The following CHKA variants were observed in gnomAD, a reference collection of about 807,000 sequenced individuals.
The protein encoded by CHKA is choline kinase alpha.
Under a neutral mutation model 60.1 loss-of-function variants are expected in CHKA, and 34 were observed. The observed-to-expected ratio is 0.57, with a 90% CI of 0.43 to 0.75. The LOEUF (loss-of-function observed/expected upper bound fraction) is 0.75. Ranked by LOEUF, CHKA falls within the 30% of genes least tolerant of loss-of-function variation. The pLI, the probability that CHKA is intolerant of heterozygous loss-of-function variation, is 0.00. For missense variants in CHKA, 563 were observed against 561.3 expected (o/e 1.00, Z -0.03); for synonymous variants, 217 against 223.1 (o/e 0.97, Z 0.24).
chr11:68,083,974 G>C lies in CHKA; in HGVS notation c.463-2517C>G, dbSNP rs569356148. 4.1e-4 allele frequency among the ~76,000 whole-genome samples: 63 copies of C among 152,152 alleles called. 1 individual carries two copies. In the South Asian group the frequency reaches 9.1e-3, roughly 22 times the overall value. On this transcript the variant is annotated intron_variant, in intron 2 of 11. Transcript: ENST00000265689. ...TAAATATATTTTGGGGCCGGCGGGG[G>C]TGGCCCATGCCTGTAATCCCAGCAC...
At chr11:68,103,718 C>T (rs1411410685) in intron 1 of CHKA, among the ~76,000 whole-genome samples, 1 of 151,832 alleles carries the variant, frequency 6.6e-6, no homozygotes. Flanking sequence ...TCGAGATCAG[C>T]CTGGCCAACA....
chr11:68,063,876 C>T (rs1856341197), intron 10 of CHKA, among the ~76,000 whole-genome samples: 1 of 152,204 alleles, frequency 6.6e-6, no homozygotes, highest in African/African-American at 2.4e-5. Flanking sequence ...TTGCCTTCTG[C>T]TATGATTGTT....
chr11:68,056,270 A>G (rs1439649177), intron 11 of CHKA, among the ~76,000 whole-genome samples: 2 of 152,170 alleles, frequency 1.3e-5, no homozygotes, highest in Non-Finnish European at 2.9e-5. Context: ...TCCCTGGCTC[A>G]TAACTCCCAT....
intron 4 of CHKA, among the ~76,000 whole-genome samples, chr11:68,071,205 A>C (rs1455929606): frequency 4.6e-5 from 7 of 152,222 alleles, no homozygotes; most frequent in Non-Finnish European, 7.3e-5. Context: ...GCTGAAGTCC[A>C]TGTCTTCAGC....
At chr11:68,106,617 C>A (rs1482210352) in intron 1 of CHKA, among the ~76,000 whole-genome samples, 2 of 151,632 alleles carry the variant, frequency 1.3e-5, no homozygotes, top group African/African-American at 4.8e-5. Context: ...GCTGTGCAGA[C>A]CTTGGGCAGG....
chr11:68,053,449 T>TA lies in CHKA; in HGVS notation c.*538dup, dbSNP rs1401019041. 6.5e-6 allele frequency: 1 copy of TA among 152,934 alleles called. No individual in the cohort carries two copies. Among genetic ancestry groups the TA allele is most frequent in the African/African-American group, 2.4e-5 (1 of 41,328 alleles). The allele number at this position is 152,934 out of a possible 1,614,324, so 9.5% of individuals were successfully genotyped here. ...AGCTTCAGCCATGGGACCAAGAGGG[T>TA]AAAGGAGCAGCTTCTGGAGGCCCCA... On this transcript the variant is annotated 3_prime_UTR_variant, in exon 12 of 12. Coordinates refer to ENST00000265689, the MANE Select transcript of CHKA (RefSeq NM_001277.3).
chr11:68,074,547 G>C (rs186658183), intron 4 of CHKA, among the ~76,000 whole-genome samples, 170 bp downstream of exon 4: 2 of 152,148 alleles, frequency 1.3e-5, no homozygotes, highest in Non-Finnish European at 2.9e-5. Flanking sequence ...AAAGAGGTTC[G>C]GATGTAAGTA....
chr11:68,056,430 A>G (rs140011487), intron 11 of CHKA, among the ~76,000 whole-genome samples: 80 of 152,346 alleles, frequency 5.3e-4, no homozygotes, highest in Non-Finnish European at 1.1e-3. Flanking sequence ...AATGCTGTAC[A>G]GAGAAGCCCG....
chr11:68,117,403 GC>G (rs1483517307), intron 1 of CHKA, among the ~76,000 whole-genome samples: 1 of 152,164 alleles, frequency 6.6e-6, no homozygotes, highest in Admixed American at 6.5e-5. Flanking sequence ...AAAAAGTTAG[GC>G]CGGGCAGGGT....
chr11:68,098,586 G>A (rs1262706535), intron 1 of CHKA, among the ~76,000 whole-genome samples: 1 of 152,098 alleles, frequency 6.6e-6, no homozygotes, highest in African/African-American at 2.4e-5. Context: ...TGGTGGTGAT[G>A]GCAGCACAAC....
chr11:68,080,742 T>C (rs1247891547), intron 3 of CHKA, among the ~76,000 whole-genome samples: 3 of 152,276 alleles, frequency 2.0e-5, no homozygotes, highest in Non-Finnish European at 4.4e-5. Flanking sequence ...TGGGCATGTG[T>C]GCACATGCAC....
intron 1 of CHKA, among the ~76,000 whole-genome samples, chr11:68,113,868 G>A (rs1401832301): frequency 2.6e-5 from 4 of 151,818 alleles, no homozygotes; most frequent in Non-Finnish European, 5.9e-5. Flanking sequence ...GCAGGTGCCT[G>A]TAATCTCAAG....
chr11:68,076,903 A>C (rs1490246202), intron 3 of CHKA, among the ~76,000 whole-genome samples: 3 of 152,200 alleles, frequency 2.0e-5, no homozygotes, highest in African/African-American at 7.2e-5. Context: ...TCACAGTAGG[A>C]AGAAAGGGGG....
intron 4 of CHKA, 38 bp downstream of exon 4, chr11:68,074,679 T>A (rs1856727057): frequency 6.4e-7 from 1 of 1,570,410 alleles, no homozygotes; most frequent in African/African-American, 1.4e-5. Context: ...CTTCTGTCTG[T>A]GGCATATGTC....
chr11:68,114,696 C>CG (rs1393097827), intron 1 of CHKA, among the ~76,000 whole-genome samples: 3 of 138,946 alleles, frequency 2.2e-5, no homozygotes, highest in African/African-American at 5.3e-5. Context: ...GACTCTGTCT[C>CG]GGGAAAAAAA....
Position 68,120,769 on chromosome 11 carries a change from C to A in CHKA, c.350+59G>T, listed in dbSNP as rs1858605779. 5 of 885,538 alleles carry A rather than the reference C, an allele frequency of 5.6e-6. No homozygotes were observed. In the South Asian group the frequency reaches 2.1e-4, roughly 37 times the overall value. 54.9% of individuals were successfully genotyped at this position (885,538 alleles called of 1,614,324 possible). A position where few individuals can be genotyped will look rare whatever the true frequency, so the allele number is the denominator to read the frequency against. On this transcript the variant is annotated intron_variant, in intron 1 of 11. Coordinates refer to ENST00000265689, the MANE Select transcript of CHKA (RefSeq NM_001277.3). ...CCCACGCCCCCTGCCCGGACCCCGC[C>A]CCGGCCCCGCCCCGCGTCACCTGAC... is the stretch of plus-strand genomic sequence containing the variant.
rs1303515731 is a variant in CHKA at position 68,070,184 on chromosome 11, C to T, written c.869+5G>A. 6.2e-7 allele frequency: 1 copy of T among 1,601,918 alleles called. No homozygotes were observed. The highest frequency in any genetic ancestry group is 1.3e-5 in the African/African-American group (1 of 74,574). On this transcript the variant is annotated splice_donor_5th_base_variant and intron_variant, in intron 6 of 11. Transcript: ENST00000265689. ...TTAAAGTCAGGAAATAGAAGGAAAA[C>T]TCACCTCAGGTTTTCCAGTTCCAAG...
At chr11:68,084,452 G>T (rs374260103) in intron 2 of CHKA, among the ~76,000 whole-genome samples, 1 of 139,480 alleles carries the variant, frequency 7.2e-6, no homozygotes, top group Non-Finnish European at 1.5e-5. Flanking sequence ...ATATATGTGT[G>T]TATATATATA....
chr11:68,074,736 C>T lies in CHKA; in HGVS notation c.611G>A (p.Arg204Gln), dbSNP rs771723392. ...TCTTACCGGGATGAACTGCTCCAGTCGGCCTTGGGGAAAGATGCCATAGAG... is the reference window on the plus strand; with the variant it reads ...TCTTACCGGGATGAACTGCTCCAGTTGGCCTTGGGGAAAGATGCCATAGAG... The part of the protein sequence containing the change: ...PKLYGIFPQG[R>Q]LEQFIPSRRL... The change falls in exon 4 of 12, where the codon CGA (arginine) becomes CAA (glutamine). Residue 204 changes from arginine to glutamine, a missense_variant. Physicochemically the swap from Arg to Gln is conservative, Grantham distance 43 (BLOSUM62 1). Coordinates refer to ENST00000265689, the MANE Select transcript of CHKA (RefSeq NM_001277.3). 40 of 1,614,148 alleles carry T rather than the reference C, an allele frequency of 2.5e-5. No homozygotes were observed. The highest frequency in any genetic ancestry group is 4.4e-5 in the South Asian group (4 of 91,078).
Sources: allele counts gnomAD v4.1 joint callset (sites outside exome capture counted in the v4.1 genomes callset), GRCh38; gene constraint gnomAD v4.1.1; transcripts MANE v1.5; gene names NCBI Gene and HGNC (gene_info 2026-07-23, HGNC 2026-07-21).